Variants in PARK7 observed in about 807,000 individuals in gnomAD.
The protein encoded by PARK7 is Parkinson disease protein 7.
A neutral mutation model predicts 20.5 loss-of-function variants in PARK7; 14 were observed. The ratio of observed to expected loss-of-function variants is 0.68; its 90% confidence interval spans 0.45 to 1.07. The LOEUF is 1.07. Among genes scored for constraint, PARK7 ranks in the 50% least tolerant of loss-of-function variants. The probability of loss-of-function intolerance (pLI) is 0.00; values close to 1 mark genes in which losing one functional copy is unlikely to be tolerated. For synonymous variants in PARK7, 98 were observed against 84.3 expected (o/e 1.16, Z -0.89); for missense variants, 234 against 238.1 (o/e 0.98, Z 0.11).
chr1:7,963,871 C>T (rs1640267783), intron 2 of PARK7, among the ~76,000 whole-genome samples: 1 of 150,190 alleles, frequency 6.7e-6, no homozygotes. Flanking sequence ...GGCTGGAGTG[C>T]AGTGGTGTGA....
At chr1:7,965,446 GT>G (rs1231281207) in intron 3 of PARK7, 21 bp downstream of exon 3, 4 of 1,593,860 alleles carry the variant, frequency 2.5e-6, no homozygotes, top group Non-Finnish European at 3.4e-6. Context: ...CATACATGGA[GT>G]TATTCCTTCA....
At chr1:7,962,740 C>CTTTTTTTTTTT in intron 1 of PARK7, 23 bp from the exon 2 acceptor site, 1 of 1,153,240 alleles carries the variant, frequency 8.7e-7, no homozygotes, top group African/African-American at 1.8e-5. Flanking sequence ...TTTTTGAAAT[C>CTTTTTTTTTTT]TTTTTTTTTT....
intron 5 of PARK7, 94 bp from the exon 6 acceptor site, chr1:7,977,558 T>C: frequency 9.0e-7 from 1 of 1,114,228 alleles, no homozygotes; most frequent in Non-Finnish European, 1.3e-6. Flanking sequence ...TTGCTGGGAT[T>C]ACAGGCATGA....
intron 5 of PARK7, among the ~76,000 whole-genome samples, chr1:7,977,363 C>T (rs1640605481): frequency 6.6e-6 from 1 of 152,170 alleles, no homozygotes; most frequent in Non-Finnish European, 1.5e-5. Context: ...TATAAACATA[C>T]TTTATCTCTC....
chr1:7,963,921 G>C (rs1266621272), intron 2 of PARK7, among the ~76,000 whole-genome samples: 1 of 151,140 alleles, frequency 6.6e-6, no homozygotes, highest in African/African-American at 2.4e-5. Context: ...GGTTCAAGCA[G>C]TTCTCTGCCT....
chr1:7,969,483 T>C (rs769978873), intron 4 of PARK7, 79 bp downstream of exon 4: 2 of 983,278 alleles, frequency 2.0e-6, no homozygotes, highest in South Asian at 2.8e-5. Flanking sequence ...CTGCTTATGT[T>C]CTGTTAATTT....
intron 3 of PARK7, 112 bp downstream of exon 3, chr1:7,965,537 T>A: frequency 3.3e-6 from 3 of 917,420 alleles, no homozygotes; most frequent in Non-Finnish European, 5.3e-6. Context: ...TGCTTGAATG[T>A]CTTCCCCTGA....
At chr1:7,965,155 T>A (rs1640297255) in intron 2 of PARK7, among the ~76,000 whole-genome samples, 169 bp from the exon 3 acceptor site, 1 of 152,110 alleles carries the variant, frequency 6.6e-6, no homozygotes, top group East Asian at 1.9e-4. Flanking sequence ...AGCAGGAGGA[T>A]CATTTGAGCC....
chr1:7,967,577 T>C (rs1047480544), intron 3 of PARK7, among the ~76,000 whole-genome samples: 1 of 152,200 alleles, frequency 6.6e-6, no homozygotes, highest in Non-Finnish European at 1.5e-5. Context: ...CTTTTGAGTT[T>C]TGAGCTTTGC....
chr1:7,981,965 C>CTTTTTT lies in PARK7; in HGVS notation c.410-2906_410-2901dup, dbSNP rs71567337. On this transcript the variant is annotated intron_variant, in intron 6 of 6. Transcript: ENST00000338639. The stretch of plus-strand genomic sequence containing the variant: ...GAGCCACTATGCCCAGCCCCCCCGC[C>CTTTTTT]TTTTTTTTTTTTTTTTTTTTTTTTT... Among the ~76,000 whole-genome samples the CTTTTTT allele has an allele frequency of 3.6e-4, 30 of 84,376 alleles. 3 individuals carry two copies. Among genetic ancestry groups the CTTTTTT allele is most frequent in the East Asian group, 5.3e-4 (1 of 1,884 alleles). 55.4% of individuals were successfully genotyped at this position (84,376 alleles called of 152,430 possible).
At chr1:7,969,700 C>T (rs1314491735) in intron 4 of PARK7, among the ~76,000 whole-genome samples, 3 of 152,038 alleles carry the variant, frequency 2.0e-5, no homozygotes, top group African/African-American at 7.2e-5. Context: ...CCTGCCTCAG[C>T]CTCTGAGTAG....
intron 6 of PARK7, 125 bp downstream of exon 6, chr1:7,977,863 G>T: frequency 2.6e-6 from 2 of 772,818 alleles, no homozygotes; most frequent in Admixed American, 4.0e-5. Context: ...GGGTTCAAGC[G>T]ATTCTTCTCT....
chr1:7,979,795 C>T (rs1357235140), intron 6 of PARK7, among the ~76,000 whole-genome samples: 1 of 152,166 alleles, frequency 6.6e-6, no homozygotes, highest in Non-Finnish European at 1.5e-5. Context: ...AGCCACTGTG[C>T]CCCGCTCATG....
intron 5 of PARK7, chr1:7,972,047 A>G (rs1279836049): frequency 6.6e-6 from 1 of 152,222 alleles, no homozygotes; most frequent in African/African-American, 2.4e-5. Context: ...TGCTGTTGCT[A>G]TTTTGTTCAA....
intron 3 of PARK7, among the ~76,000 whole-genome samples, chr1:7,968,436 C>T (rs1640376133): frequency 1.3e-5 from 2 of 151,842 alleles, no homozygotes; most frequent in South Asian, 4.2e-4. Context: ...GGGGGGGATA[C>T]TAAAATTCTC....
chr1:7,963,006 G>A, intron 2 of PARK7, 131 bp downstream of exon 2: 1 of 767,736 alleles, frequency 1.3e-6, no homozygotes, highest in Non-Finnish European at 2.3e-6. Flanking sequence ...GATGACATAA[G>A]AATAAATACC....
chr1:7,978,586 G>A (rs1375788962), intron 6 of PARK7, among the ~76,000 whole-genome samples: 5 of 151,594 alleles, frequency 3.3e-5, no homozygotes, highest in East Asian at 2.0e-4. Flanking sequence ...GCTTCCGCCT[G>A]TAATCCCAGT....
rs1640589318 is a variant in PARK7 at position 7,976,636 on chromosome 1, AG to A, written c.323-1015del. ...TTCACAGGCTATCTCCTTCAAGGAC[AG>A]TGTGCTGTCCATTTTAATCCTACCA... On this transcript the variant is annotated intron_variant, in intron 5 of 6. Coordinates refer to ENST00000338639, the MANE Select transcript of PARK7 (RefSeq NM_007262.5). Among the ~76,000 whole-genome samples, 3 of 152,344 alleles carry A rather than the reference AG, an allele frequency of 2.0e-5. No individual in the cohort carries two copies. In the South Asian group the frequency reaches 6.2e-4, roughly 32 times the overall value.
At chr1:7,975,072 T>C (rs921455750) in intron 5 of PARK7, among the ~76,000 whole-genome samples, 4 of 152,034 alleles carry the variant, frequency 2.6e-5, no homozygotes, top group African/African-American at 9.7e-5. Flanking sequence ...GCCAGGCTGG[T>C]CTCGAACTCC....
Sources: allele counts gnomAD v4.1 joint callset (sites outside exome capture counted in the v4.1 genomes callset), GRCh38; gene constraint gnomAD v4.1.1; transcripts MANE v1.5; gene names NCBI Gene and HGNC (gene_info 2026-07-23, HGNC 2026-07-21).